NAV1: variants seen among roughly 807,000 people sequenced by gnomAD.
NAV1 encodes the protein neuron navigator 1.
NAV1 carries 18 observed loss-of-function variants against 175.2 expected under a neutral mutation model. The observed-to-expected ratio is 0.10, with a 90% confidence interval of 0.07 to 0.15. The LOEUF (loss-of-function observed/expected upper bound fraction) is 0.15. NAV1 is among the 10% of genes least tolerant of loss of function. NAV1 has a pLI of 1.00. For synonymous variants in NAV1, 897 were observed against 978.7 expected (o/e 0.92, Z 1.56); for missense variants, 1,731 against 2,436.6 (o/e 0.71, Z 6.10).
intron 2 of NAV1, among the ~76,000 whole-genome samples, chr1:201,640,302 C>A (rs1307476985): frequency 1.3e-5 from 2 of 152,190 alleles, no homozygotes; most frequent in African/African-American, 4.8e-5. Flanking sequence ...CCTGGAGAAG[C>A]AAAGGCAGTG....
intron 3 of NAV1, among the ~76,000 whole-genome samples, chr1:201,722,816 G>A (rs1466345039): frequency 6.6e-6 from 1 of 152,106 alleles, no homozygotes; most frequent in Non-Finnish European, 1.5e-5. Context: ...ATTTATAGTA[G>A]CCATCCTGGC....
intron 1 of NAV1, among the ~76,000 whole-genome samples, chr1:201,565,199 T>C (rs1444397758): frequency 6.6e-6 from 1 of 152,154 alleles, no homozygotes; most frequent in East Asian, 1.9e-4. Context: ...TTAAAAAAGG[T>C]AATAAATGTA....
At chr1:201,656,573 C>T (rs142530910) in intron 1 of NAV1, among the ~76,000 whole-genome samples, 2 of 152,236 alleles carry the variant, frequency 1.3e-5, no homozygotes, top group African/African-American at 2.4e-5. Flanking sequence ...ATGACGAGAG[C>T]TATTGGGTTA....
In NAV1 at chr1:201,701,616, G is replaced by A. The variant is rs113622444; in HGVS notation, c.758-11201G>A. 7.5e-3 allele frequency among the ~76,000 whole-genome samples: 1,146 copies of A among 152,252 alleles called. 12 individuals carry two copies. The highest frequency in any genetic ancestry group is 0.026 in the African/African-American group (1,089 of 41,538). On this transcript the variant is annotated intron_variant, in intron 1 of 29. Transcript: ENST00000367296. ...TGAATTTGAAACTTCATTAATTTTAGTTAACTTAAATCTAAAAGATGCTCA... is the reference window on the plus strand; with the variant it reads ...TGAATTTGAAACTTCATTAATTTTAATTAACTTAAATCTAAAAGATGCTCA...
chr1:201,631,139 C>T (rs944182430), intron 2 of NAV1, among the ~76,000 whole-genome samples: 1 of 152,196 alleles, frequency 6.6e-6, no homozygotes, highest in East Asian at 1.9e-4. Flanking sequence ...CTGGCTTTCT[C>T]CAAGGCTCCT....
At chr1:201,792,576 A>G (rs937416789) in intron 13 of NAV1, 1 of 152,218 alleles carries the variant, frequency 6.6e-6, no homozygotes, top group Non-Finnish European at 1.5e-5. Context: ...GCCTCTCATG[A>G]GTAGTCTTCC....
At chr1:201,603,851 A>G (rs1667593910) in intron 2 of NAV1, among the ~76,000 whole-genome samples, 1 of 152,210 alleles carries the variant, frequency 6.6e-6, no homozygotes, top group Admixed American at 6.5e-5. Context: ...GGCATCGGGA[A>G]CAAGGTTCTT....
chr1:201,708,459 CACACAT>C (rs1234468860), intron 1 of NAV1, among the ~76,000 whole-genome samples: 1 of 151,746 alleles, frequency 6.6e-6, no homozygotes, highest in African/African-American at 2.4e-5. Flanking sequence ...CACACACACA[CACACAT>C]ACACACACTT....
At position 201,782,592 on chromosome 1, in the gene NAV1, G is replaced by T; in HGVS notation, c.2080G>T (p.Val694Leu). ...CGGCGGGCGGGGTGGACCTCGCCCTGTGAGCAGCAGCATTGACCCCAGTCT... is the reference window on the plus strand; with the variant it reads ...CGGCGGGCGGGGTGGACCTCGCCCTTTGAGCAGCAGCATTGACCCCAGTCT... The change falls in exon 6 of 30, where the codon GTG (valine) becomes TTG (leucine). Residue 694 changes from valine to leucine, a missense_variant. Coordinates refer to ENST00000367296, the Ensembl canonical transcript of NAV1. The surrounding 1 kb of genome is among the most constrained non-coding windows in gnomAD (Gnocchi z 5.4). 6.2e-7 allele frequency: 1 copy of T among 1,613,382 alleles called. No individual in the cohort carries two copies. The highest frequency in any genetic ancestry group is 8.5e-7 in the Non-Finnish European group (1 of 1,179,454).
intron 1 of NAV1, among the ~76,000 whole-genome samples, chr1:201,670,179 CAGG>C (rs1669981667): frequency 6.6e-6 from 1 of 151,162 alleles, no homozygotes; most frequent in Admixed American, 6.6e-5. Context: ...ATCACGAGGT[CAGG>C]AGATCAAGAC....
rs144291387 is a variant in NAV1, at chr1:201,580,798, A to G, written c.-143-7741A>G. Among the ~76,000 whole-genome samples, 838 of 152,220 alleles carry G rather than the reference A, an allele frequency of 5.5e-3. 6 individuals are homozygous for G. Among genetic ancestry groups the G allele is most frequent in the African/African-American group, 0.019 (777 of 41,520 alleles). On this transcript the variant is annotated intron_variant, in intron 1 of 33. Transcript: ENST00000685211. ...AAAGAAAAAAAAAAGAATATGAGATATTCTGGAGGCTTAAAGGAGGTGGGA... is the reference window on the plus strand; with the variant it reads ...AAAGAAAAAAAAAAGAATATGAGATGTTCTGGAGGCTTAAAGGAGGTGGGA...
upstream of NAV1, among the ~76,000 whole-genome samples, chr1:201,619,868 C>T (rs1395553754): frequency 6.6e-6 from 1 of 152,234 alleles, no homozygotes; most frequent in Non-Finnish European, 1.5e-5. Context: ...CCTGGGCACA[C>T]ATGGCTTTGC....
chr1:201,772,105 C>T (rs1274021470), intron 3 of NAV1, among the ~76,000 whole-genome samples: 1 of 152,170 alleles, frequency 6.6e-6, no homozygotes, highest in African/African-American at 2.4e-5. Context: ...TAATCCTAAC[C>T]TTCAGGGAAA....
intron 1 of NAV1, among the ~76,000 whole-genome samples, chr1:201,562,857 C>T (rs1368603351): frequency 1.3e-5 from 2 of 152,112 alleles, no homozygotes; most frequent in Non-Finnish European, 2.9e-5. Flanking sequence ...AGTGAGTCAC[C>T]AGAAGTCCAA....
At chr1:201,560,425 C>G (rs1305535787) in intron 1 of NAV1, among the ~76,000 whole-genome samples, 1 of 152,206 alleles carries the variant, frequency 6.6e-6, no homozygotes, top group African/African-American at 2.4e-5. Flanking sequence ...CCTGCCAGGC[C>G]AGAACAACTT....
chr1:201,555,117 T>C (rs1267883813), intron 1 of NAV1, among the ~76,000 whole-genome samples: 1 of 152,214 alleles, frequency 6.6e-6, no homozygotes, highest in African/African-American at 2.4e-5. Context: ...TCTACTCCAG[T>C]ATGACCTCAT....
intron 1 of NAV1, among the ~76,000 whole-genome samples, chr1:201,571,551 C>A (rs991385958): frequency 6.6e-6 from 1 of 152,212 alleles, no homozygotes; most frequent in Admixed American, 6.5e-5. Flanking sequence ...AGATCACAGA[C>A]AAAGGGGACC....
At chr1:201,601,561 C>T (rs1285943275) in intron 2 of NAV1, among the ~76,000 whole-genome samples, 1 of 152,110 alleles carries the variant, frequency 6.6e-6, no homozygotes, top group Non-Finnish European at 1.5e-5. Context: ...AGGGCAGAGC[C>T]TTCTTTGTGA....
intron 3 of NAV1, among the ~76,000 whole-genome samples, chr1:201,775,040 G>A (rs1233342067): frequency 3.9e-5 from 6 of 152,142 alleles, no homozygotes; most frequent in Non-Finnish European, 8.8e-5. Flanking sequence ...GGTTTAATAG[G>A]GGAAGAGGTA....
Sources: allele counts gnomAD v4.1 joint callset (sites outside exome capture counted in the v4.1 genomes callset), GRCh38; gene constraint gnomAD v4.1.1; non-coding constraint Gnocchi (gnomAD v3.1); transcripts MANE v1.5; gene names NCBI Gene and HGNC (gene_info 2026-07-23, HGNC 2026-07-21).